Variants in MARK4 observed in about 807,000 individuals in gnomAD.
The protein encoded by MARK4 is microtubule affinity regulating kinase 4.
In MARK4, 19 loss-of-function variants were observed where a neutral mutation model predicts 81.5. That is an observed-to-expected ratio of 0.23 (90% CI 0.16 to 0.34). MARK4 has a LOEUF of 0.34. MARK4 is among the 10% of genes least tolerant of loss of function. The pLI, the probability that MARK4 is intolerant of heterozygous loss-of-function variation, is 1.00. For synonymous variants in MARK4, 436 were observed against 439.0 expected (o/e 0.99, Z 0.08); for missense variants, 772 against 1,058.8 (o/e 0.73, Z 3.76).
In MARK4 at chr19:45,302,305, T is replaced by C. The variant is rs554927478; in HGVS notation, c.1923-69T>C. 2 of 1,605,652 alleles carry C rather than the reference T, an allele frequency of 1.2e-6. No homozygotes were observed. The highest frequency in any genetic ancestry group is 3.4e-5 in the Admixed American group (2 of 59,202). On this transcript the variant is annotated intron_variant, in intron 16 of 16. Transcript: ENST00000262891. This position sits in a 1 kb window ranked among gnomAD's most constrained non-coding sequence, Gnocchi z 4.9. Reference sequence around the variant, plus strand: ...GAATGTGTCCCGAATTGGGAAGAGTTGTCCCTTCAGCCCTCCACCACATTC... The same window carrying C: ...GAATGTGTCCCGAATTGGGAAGAGTCGTCCCTTCAGCCCTCCACCACATTC...
chr19:45,257,818 T>A (rs1042188039), intron 1 of MARK4, among the ~76,000 whole-genome samples: 5 of 151,666 alleles, frequency 3.3e-5, no homozygotes, highest in Non-Finnish European at 5.9e-5. Flanking sequence ...GCCTCCCAAG[T>A]AGCTGGGACT....
At chr19:45,256,027 G>C (rs1478586051) in intron 1 of MARK4, among the ~76,000 whole-genome samples, 3 of 152,268 alleles carry the variant, frequency 2.0e-5, no homozygotes, top group Non-Finnish European at 4.4e-5. Flanking sequence ...TGGTGTGGGA[G>C]ACAGCAAGTC....
rs554139605 is a variant in MARK4, at chr19:45,281,548, A to G, written c.1276+814A>G. ...GCTAATTTTTGTATTTTTAGTAGAG[A>G]CAGGGTTTCACCATGTTGGCCAGGC... On this transcript the variant is annotated intron_variant, in intron 12 of 16. Coordinates refer to ENST00000262891, the MANE Select transcript of MARK4 (RefSeq NM_001199867.2). 2.6e-5 allele frequency among the ~76,000 whole-genome samples: 4 copies of G among 151,518 alleles called. No individual in the cohort carries two copies. The South Asian group carries it at 8.3e-4, about 32-fold the overall frequency.
At chr19:45,255,282 C>T (rs980776909) in intron 1 of MARK4, among the ~76,000 whole-genome samples, 16 of 151,832 alleles carry the variant, frequency 1.1e-4, no homozygotes, top group Admixed American at 2.6e-4. Context: ...TGGAAACTAT[C>T]GGGCACGGTG....
chr19:45,261,115 A>G (rs956562627), intron 2 of MARK4, among the ~76,000 whole-genome samples: 2 of 152,054 alleles, frequency 1.3e-5, no homozygotes, highest in African/African-American at 4.8e-5. Context: ...CGCAAAAGAC[A>G]CCGGGCCCCG....
At position 45,271,397 on chromosome 19, in the gene MARK4, C is replaced by T. The variant is rs575005916; in HGVS notation, c.550-75C>T. 15 of 1,449,960 alleles carry T rather than the reference C, an allele frequency of 1.0e-5. No homozygotes were observed. In the East Asian group the frequency reaches 3.2e-4, roughly 31 times the overall value. The allele number at this position is 1,449,960 out of a possible 1,614,324, so 89.8% of individuals were successfully genotyped here. On this transcript the variant is annotated intron_variant, in intron 7 of 16. Coordinates refer to ENST00000262891, the MANE Select transcript of MARK4 (RefSeq NM_001199867.2). This position sits in a 1 kb window ranked among gnomAD's most constrained non-coding sequence, Gnocchi z 4.1. ...GTGGGCCAGCCCTAGAGCCTGTGCT[C>T]CTGTCTGCCTCCCACGTCCATGAAA...
chr19:45,271,940 C>G lies in MARK4; in HGVS notation c.786+232C>G, dbSNP rs1970533000. On this transcript the variant is annotated intron_variant, in intron 8 of 16. Transcript: ENST00000262891. This position sits in a 1 kb window ranked among gnomAD's most constrained non-coding sequence, Gnocchi z 4.1. ...GCAGCTGATAGGCTTGAGTTCAAAT[C>G]CTGACTCATCCGTTCACTGAGCTAA... 6.6e-6 allele frequency among the ~76,000 whole-genome samples: 1 copy of G among 152,222 alleles called. No individual in the cohort carries two copies. The highest frequency in any genetic ancestry group is 2.1e-4 in the South Asian group (1 of 4,838).
intron 8 of MARK4, 101 bp from the exon 9 acceptor site, chr19:45,277,822 G>A (rs1380431316): frequency 1.8e-6 from 2 of 1,140,780 alleles, no homozygotes; most frequent in African/African-American, 3.8e-5. Context: ...TGGGACAAAG[G>A]TTGTGTGTGT....
chr19:45,271,760 C>G lies in MARK4; in HGVS notation c.786+52C>G. ...CATCAGCCCCTCCCCACAGTCAGGC[C>G]CCTATCCCCCCCACACCTCCCCTGC... On this transcript the variant is annotated intron_variant, in intron 8 of 16. Coordinates refer to ENST00000262891, the MANE Select transcript of MARK4 (RefSeq NM_001199867.2). This position sits in a 1 kb window ranked among gnomAD's most constrained non-coding sequence, Gnocchi z 4.1. 6.6e-7 allele frequency: 1 copy of G among 1,521,306 alleles called. No homozygotes were observed. Among genetic ancestry groups the G allele is most frequent in the Non-Finnish European group, 9.0e-7 (1 of 1,111,622 alleles). The allele number at this position is 1,521,306 out of a possible 1,614,324, so 94.2% of individuals were successfully genotyped here. A position where few individuals can be genotyped will look rare whatever the true frequency, so the allele number is the denominator to read the frequency against.
chr19:45,297,895 C>A lies in MARK4; in HGVS notation c.1818C>A (p.Ala606=). ...CCCATGAGGCTGCACCCCTGCCCGC[C>A]GGGCGGCCCCGCCCCACCACCAACC... ...TLAHEAAPLP[A]GRPRPTTNLF... The change falls in exon 15 of 17, where the codon GCC becomes GCA. Residue 606 remains alanine (A), a synonymous_variant. Transcript: ENST00000262891. 7.1e-7 allele frequency: 1 copy of A among 1,403,474 alleles called. No homozygotes were observed. Among genetic ancestry groups the A allele is most frequent in the Non-Finnish European group, 9.5e-7 (1 of 1,055,554 alleles). The allele number at this position is 1,403,474 out of a possible 1,614,324, so 86.9% of individuals were successfully genotyped here. A position where few individuals can be genotyped will look rare whatever the true frequency, so the allele number is the denominator to read the frequency against.
intron 10 of MARK4, among the ~76,000 whole-genome samples, chr19:45,279,928 A>T: frequency 6.6e-6 from 1 of 152,164 alleles, no homozygotes; most frequent in East Asian, 1.9e-4. Context: ...TTAGGGTTGG[A>T]GCAGGGGAGC....
Position 45,271,566 on chromosome 19 carries a change from T to C in MARK4, c.644T>C (p.Phe215Ser). The change falls in exon 8 of 17, where the codon TTC becomes TCC. Residue 215 changes from phenylalanine to serine, a missense_variant. Phe to Ser is a radical substitution (Grantham distance 155, BLOSUM62 -2). This residue lies in a region of MARK4 where 109 missense variants were observed against 294.7 expected (regional missense o/e 0.37). Coordinates refer to ENST00000262891, the MANE Select transcript of MARK4 (RefSeq NM_001199867.2). This position sits in a 1 kb window ranked among gnomAD's most constrained non-coding sequence, Gnocchi z 4.1. ...ACGCTGGGATCGAAGCTGGACACGTTCTGCGGGAGCCCCCCATATGCCGCC... is the reference window on the plus strand; with the variant it reads ...ACGCTGGGATCGAAGCTGGACACGTCCTGCGGGAGCCCCCCATATGCCGCC... ...EFTLGSKLDT[F>S]CGSPPYAAPE... is the part of the protein sequence containing the mutation. 1 of 1,614,236 alleles carries C rather than the reference T, an allele frequency of 6.2e-7. No homozygotes were observed. The highest frequency in any genetic ancestry group is 8.5e-7 in the Non-Finnish European group (1 of 1,180,038).
At chr19:45,259,668 G>C (rs1970355872) in intron 2 of MARK4, among the ~76,000 whole-genome samples, 1 of 152,156 alleles carries the variant, frequency 6.6e-6, no homozygotes, top group Non-Finnish European at 1.5e-5. Flanking sequence ...CCAGCTACTT[G>C]GGAGGCTGAG....
intron 4 of MARK4, among the ~76,000 whole-genome samples, chr19:45,263,976 C>T (rs1970415399): frequency 6.6e-6 from 1 of 152,190 alleles, no homozygotes; most frequent in Non-Finnish European, 1.5e-5. Context: ...CCAGCATCAA[C>T]ATCCTCACTG....
In MARK4 at chr19:45,302,174, G is replaced by A. The variant is rs1469535227; in HGVS notation, c.1923-200G>A. 6.6e-6 allele frequency among the ~76,000 whole-genome samples: 1 copy of A among 152,252 alleles called. No individual in the cohort carries two copies. Among genetic ancestry groups the A allele is most frequent in the South Asian group, 2.1e-4 (1 of 4,832 alleles). ...GAATTTACAGACAAGGTCACACCTG[G>A]TTGCAAGGGAGGCTGGAAAGTGTGG... On this transcript the variant is annotated intron_variant, in intron 16 of 16. Coordinates refer to ENST00000262891, the MANE Select transcript of MARK4 (RefSeq NM_001199867.2). This position sits in a 1 kb window ranked among gnomAD's most constrained non-coding sequence, Gnocchi z 4.9.
intron 1 of MARK4, among the ~76,000 whole-genome samples, chr19:45,256,329 C>G (rs528913561): frequency 6.6e-6 from 1 of 152,058 alleles, no homozygotes; most frequent in Non-Finnish European, 1.5e-5. Context: ...CCCAGCTACT[C>G]GGGAAAGCTG....
chr19:45,295,544 G>A (rs1048192053), intron 14 of MARK4, among the ~76,000 whole-genome samples: 19 of 152,118 alleles, frequency 1.2e-4, no homozygotes, highest in African/African-American at 4.3e-4. Flanking sequence ...TGAGGCCGAG[G>A]TGGGCAGATC....
chr19:45,271,860 G>A lies in MARK4; in HGVS notation c.786+152G>A. On this transcript the variant is annotated intron_variant, in intron 8 of 16. Coordinates refer to ENST00000262891, the MANE Select transcript of MARK4 (RefSeq NM_001199867.2). The surrounding 1 kb of genome is among the most constrained non-coding windows in gnomAD (Gnocchi z 4.1). Reference sequence around the variant, plus strand: ...GATGGGCAGGATTCAAGTCCCCTCTGCAGTGAGGCCAGCCGAATGGACTGT... The same window carrying A: ...GATGGGCAGGATTCAAGTCCCCTCTACAGTGAGGCCAGCCGAATGGACTGT... 1 of 736,878 alleles carries A rather than the reference G, an allele frequency of 1.4e-6. No individual in the cohort carries two copies. The highest frequency in any genetic ancestry group is 2.2e-6 in the Non-Finnish European group (1 of 448,118). The allele number at this position is 736,878 out of a possible 1,614,324, so 45.6% of individuals were successfully genotyped here.
chr19:45,299,222 A>G (rs555865654), intron 15 of MARK4, among the ~76,000 whole-genome samples: 1 of 152,214 alleles, frequency 6.6e-6, no homozygotes, highest in African/African-American at 2.4e-5. Context: ...CAGGAGTTTG[A>G]GACCAGCCTG....
Sources: allele counts gnomAD v4.1 joint callset (sites outside exome capture counted in the v4.1 genomes callset), GRCh38; gene constraint gnomAD v4.1.1; regional missense constraint gnomAD v4.1.1; non-coding constraint Gnocchi (gnomAD v3.1); transcripts MANE v1.5; gene names NCBI Gene and HGNC (gene_info 2026-07-23, HGNC 2026-07-21).